Variants in CTNNA3 observed in about 807,000 individuals in gnomAD.
CTNNA3 encodes catenin alpha 3, also known as catenin alpha-3.
In CTNNA3, 76 loss-of-function variants were observed where a neutral mutation model predicts 95.7. The observed-to-expected ratio is 0.79, with a 90% CI of 0.66 to 0.96. CTNNA3 has a LOEUF of 0.96. Ranked by LOEUF, CTNNA3 falls within the 40% of genes least tolerant of loss-of-function variation. CTNNA3 has a pLI of 0.00. For missense variants in CTNNA3, 1,191 were observed against 1,089.8 expected (o/e 1.09, Z -1.31); for synonymous variants, 431 against 374.4 (o/e 1.15, Z -1.74).
At chr10:66,683,697 CCCTTT>C (rs1847147590) in intron 9 of CTNNA3, among the ~76,000 whole-genome samples, 1 of 152,130 alleles carries the variant, frequency 6.6e-6, no homozygotes, top group Non-Finnish European at 1.5e-5. Flanking sequence ...AGCATATTTT[CCCTTT>C]CAAGTACGAC....
intron 12 of CTNNA3, among the ~76,000 whole-genome samples, chr10:66,344,269 GTTGT>G (rs1040099747): frequency 2.7e-5 from 4 of 149,958 alleles, no homozygotes; most frequent in Non-Finnish European, 5.9e-5. Flanking sequence ...TGTTGTTGTT[GTTGT>G]TTGTTTGTTT....
chr10:66,560,500 G>A (rs780073751), intron 10 of CTNNA3, among the ~76,000 whole-genome samples: 1 of 151,998 alleles, frequency 6.6e-6, no homozygotes, highest in Non-Finnish European at 1.5e-5. Context: ...TTGCAACACA[G>A]GTATCAAGAG....
At chr10:67,215,277 C>T (rs1864306787) in intron 6 of CTNNA3, among the ~76,000 whole-genome samples, 1 of 151,894 alleles carries the variant, frequency 6.6e-6, no homozygotes, top group Non-Finnish European at 1.5e-5. Context: ...TCAACATATT[C>T]ATTAGGGAAT....
chr10:66,282,089 G>A (rs189413808), intron 12 of CTNNA3, among the ~76,000 whole-genome samples: 9 of 151,930 alleles, frequency 5.9e-5, no homozygotes, highest in South Asian at 2.1e-4. Flanking sequence ...GTGGATATAT[G>A]GCTATCATCA....
intron 1 of CTNNA3, among the ~76,000 whole-genome samples, chr10:67,729,040 T>C (rs1427601622): frequency 6.6e-6 from 1 of 152,132 alleles, no homozygotes; most frequent in Non-Finnish European, 1.5e-5. Context: ...AGCAGGAATT[T>C]GAAGGCAGTC....
intron 15 of CTNNA3, among the ~76,000 whole-genome samples, chr10:66,009,287 T>C (rs2078959790): frequency 6.6e-6 from 1 of 152,154 alleles, no homozygotes; most frequent in Non-Finnish European, 1.5e-5. Context: ...CTTTTAATTA[T>C]CCTTAATCCA....
intron 5 of CTNNA3, among the ~76,000 whole-genome samples, chr10:67,390,858 C>G (rs1204291110): frequency 6.8e-6 from 1 of 147,732 alleles, no homozygotes. Context: ...TTCAACAACC[C>G]TTCATGCTAA....
chr10:66,923,863 T>C (rs1846923458), intron 7 of CTNNA3, among the ~76,000 whole-genome samples: 1 of 152,212 alleles, frequency 6.6e-6, no homozygotes, highest in Non-Finnish European at 1.5e-5. Flanking sequence ...GTGACTGATA[T>C]AAAAACATAT....
At chr10:67,231,976 A>G (rs1589058857) in intron 5 of CTNNA3, among the ~76,000 whole-genome samples, 1 of 152,214 alleles carries the variant, frequency 6.6e-6, no homozygotes, top group Non-Finnish European at 1.5e-5. Context: ...GAATAAAAAG[A>G]AACGAGCAAA....
At chr10:66,454,787 GGAA>G (rs1351491827) in intron 11 of CTNNA3, among the ~76,000 whole-genome samples, 1 of 144,854 alleles carries the variant, frequency 6.9e-6, no homozygotes, top group Non-Finnish European at 1.5e-5. Context: ...TGAAGGAGGA[GGAA>G]GGAGAGGAAT....
At chr10:66,465,748 G>A (rs145375662) in intron 11 of CTNNA3, among the ~76,000 whole-genome samples, 1 of 152,178 alleles carries the variant, frequency 6.6e-6, no homozygotes, top group Non-Finnish European at 1.5e-5. Context: ...ACATCACTGG[G>A]CATTAGTGTG....
intron 11 of CTNNA3, among the ~76,000 whole-genome samples, chr10:66,395,218 T>A (rs972473269): frequency 1.3e-5 from 2 of 152,028 alleles, no homozygotes; most frequent in African/African-American, 2.4e-5. Context: ...TGAAATTCAT[T>A]TTTCTCTTAT....
intron 7 of CTNNA3, among the ~76,000 whole-genome samples, chr10:67,056,372 T>A (rs1855431449): frequency 6.6e-6 from 1 of 152,204 alleles, no homozygotes; most frequent in Admixed American, 6.5e-5. Flanking sequence ...GTCTTCCCAA[T>A]GTAGGACTGG....
At chr10:66,259,045 TTTATTCCTTGTTACTC>T (rs1414315499) in intron 13 of CTNNA3, among the ~76,000 whole-genome samples, 8 of 152,184 alleles carry the variant, frequency 5.3e-5, no homozygotes, top group African/African-American at 1.9e-4. Flanking sequence ...TACTTGGACC[TTTATTCCTTGTTACTC>T]TTCTTTTAAT....
At chr10:67,683,199 T>G (rs542918985) in intron 1 of CTNNA3, among the ~76,000 whole-genome samples, 1 of 152,322 alleles carries the variant, frequency 6.6e-6, no homozygotes, top group Admixed American at 6.5e-5. Context: ...CAAATTCCCA[T>G]GAAAACATGA....
At chr10:66,336,709 T>A (rs4746570) in intron 12 of CTNNA3, among the ~76,000 whole-genome samples, 137,893 of 152,000 alleles carry the variant, frequency 0.91, 62,791 homozygotes, top group East Asian at 1. Context: ...TTTTTCAAAA[T>A]TAAGTCCAAA....
chr10:66,379,392 G>A, intron 11 of CTNNA3, 40 bp from the exon 12 acceptor site: 1 of 1,504,768 alleles, frequency 6.6e-7, no homozygotes, highest in Non-Finnish European at 9.2e-7. Context: ...GCGTGTGTCT[G>A]TGTTTAAAAT....
chr10:66,011,099 G>A (rs116403515), intron 15 of CTNNA3, among the ~76,000 whole-genome samples: 1,921 of 152,144 alleles, frequency 0.013, 31 homozygotes, highest in African/African-American at 0.044. Flanking sequence ...TCCCTCACTT[G>A]ACCTAGTCTA....
intron 11 of CTNNA3, among the ~76,000 whole-genome samples, chr10:66,492,550 T>C (rs1839961100): frequency 6.6e-6 from 1 of 152,050 alleles, no homozygotes; most frequent in African/African-American, 2.4e-5. Flanking sequence ...ACTTCTATTG[T>C]GGAAGTCTGT....
Sources: gnomAD v4.1 joint callset for allele counts (sites outside exome capture counted in the v4.1 genomes callset) on GRCh38, gnomAD v4.1.1 for gene constraint, MANE v1.5 for transcripts, NCBI Gene and HGNC (gene_info 2026-07-23, HGNC 2026-07-21) for gene names.